Variants in CCDC12 observed in about 807,000 individuals in gnomAD.
The protein encoded by CCDC12 is coiled-coil domain containing 12, also known as coiled-coil domain-containing protein 12.
In CCDC12, 28 loss-of-function variants were observed where a neutral mutation model predicts 25.7. The observed-to-expected ratio is 1.09, with a 90% CI of 0.81 to 1.50. CCDC12 has a LOEUF of 1.50. CCDC12 is among the 40% of genes most tolerant of loss of function. The probability of loss-of-function intolerance (pLI) is 0.00; values close to 1 mark genes in which losing one functional copy is unlikely to be tolerated. For synonymous variants in CCDC12, 75 were observed against 87.7 expected (o/e 0.86, Z 0.81); for missense variants, 198 against 210.0 (o/e 0.94, Z 0.35).
At chr3:46,940,323 T>G (rs746384936) in intron 2 of CCDC12, among the ~76,000 whole-genome samples, 4 of 152,096 alleles carry the variant, frequency 2.6e-5, no homozygotes, top group Admixed American at 2.0e-4. Context: ...ACGAGGGAAG[T>G]GTACCCAAGA....
intron 1 of CCDC12, among the ~76,000 whole-genome samples, chr3:46,958,646 A>G (rs2034372552): frequency 6.6e-6 from 1 of 152,124 alleles, no homozygotes; most frequent in African/African-American, 2.4e-5. Flanking sequence ...TGTTCATCCA[A>G]TCCCCAACGA....
At chr3:46,925,149 T>A (rs1360548122) in intron 3 of CCDC12, 2 of 533,536 alleles carry the variant, frequency 3.7e-6, no homozygotes, top group Non-Finnish European at 7.2e-6. Flanking sequence ...CACATCCACT[T>A]CTCAGCCAGG....
chr3:46,971,329 C>CT (rs1188000887), intron 1 of CCDC12, among the ~76,000 whole-genome samples: 8 of 152,218 alleles, frequency 5.3e-5, no homozygotes, highest in Non-Finnish European at 4.4e-5. Context: ...TCAGGCAGTG[C>CT]TGTGTCCTCT....
chr3:46,951,811 ATATATATATATACT>A (rs1392095354), intron 1 of CCDC12, among the ~76,000 whole-genome samples: 1 of 75,606 alleles, frequency 1.3e-5, no homozygotes, highest in Non-Finnish European at 2.6e-5. Context: ...ATATATATAT[ATATATATATATACT>A]TAATGAGGAT....
chr3:46,927,846 G>A (rs901758088), intron 2 of CCDC12, among the ~76,000 whole-genome samples: 2 of 152,150 alleles, frequency 1.3e-5, no homozygotes, highest in Non-Finnish European at 2.9e-5. Context: ...TCCCCTTAGC[G>A]TGGAGAGCTA....
At chr3:46,951,798 A>AAAAAAAAATATATATATATAT in intron 1 of CCDC12, among the ~76,000 whole-genome samples, 2 of 8,466 alleles carry the variant, frequency 2.4e-4, no homozygotes, top group Non-Finnish European at 5.6e-4. Context: ...AAAAAAAAAA[A>AAAAAAAAATATATATATATAT]ATATATATAT....
intron 1 of CCDC12, among the ~76,000 whole-genome samples, chr3:46,961,519 G>A (rs2034465127): frequency 6.6e-6 from 1 of 152,312 alleles, no homozygotes; most frequent in South Asian, 2.1e-4. Flanking sequence ...GCAGGTCCTT[G>A]TCTTCCCTGG....
chr3:46,942,078 G>C (rs529666310), intron 1 of CCDC12, among the ~76,000 whole-genome samples: 1 of 152,226 alleles, frequency 6.6e-6, no homozygotes. Context: ...TGTTATGCTT[G>C]TTCTCAGGTG....
chr3:46,925,091 G>A, intron 3 of CCDC12: 1 of 397,554 alleles, frequency 2.5e-6, no homozygotes, highest in South Asian at 2.0e-5. Context: ...ACCCACCCAG[G>A]GCCCACAGGA....
In CCDC12 at chr3:46,956,368, G is replaced by A. The variant is rs76134383; in HGVS notation, c.97-15303C>T. On this transcript the variant is annotated intron_variant, in intron 1 of 6. Transcript: ENST00000683445. The stretch of plus-strand genomic sequence containing the variant: ...ATCTCTAATACATGGCCCAGTTGAG[G>A]AGCCTCTGAGTGAGACCACATGCTG... 1.0e-3 allele frequency among the ~76,000 whole-genome samples: 159 copies of A among 152,308 alleles called. 3 individuals carry two copies. The East Asian group carries it at 0.03, about 29-fold the overall frequency.
Position 46,922,267 on chromosome 3 carries a change from CT to C in CCDC12, c.386del (p.Lys129SerfsTer10). ...GCTCGGCAATGGCCCTCTGAGTCCGCTTTTTTAGTTTCTCCAGCTTCTTGGC... is the reference window on the plus strand; with the variant it reads ...GCTCGGCAATGGCCCTCTGAGTCCGCTTTTTAGTTTCTCCAGCTTCTTGGC... ...DVAKKLEKLK[K>X]RTQRAIAELI... On this transcript the variant is annotated frameshift_variant, in exon 6 of 7. Coordinates refer to ENST00000683445, the MANE Select transcript of CCDC12 (RefSeq NM_001277074.2). LOFTEE classifies it high-confidence loss of function. 1 of 1,614,276 alleles carries C rather than the reference CT, an allele frequency of 6.2e-7. No homozygotes were observed.
At chr3:46,938,943 C>A (rs1349793841) in intron 2 of CCDC12, among the ~76,000 whole-genome samples, 3 of 152,168 alleles carry the variant, frequency 2.0e-5, no homozygotes, top group Non-Finnish European at 4.4e-5. Context: ...AGGCATCACT[C>A]CTCATGTATG....
At chr3:46,962,434 C>CAAAAAAA (rs33969115) in intron 1 of CCDC12, among the ~76,000 whole-genome samples, 6 of 63,174 alleles carry the variant, frequency 9.5e-5, no homozygotes, top group Admixed American at 2.2e-4. Context: ...AACTCTATCT[C>CAAAAAAA]AAAAAAAAAA....
chr3:46,968,398 G>GACC (rs1022961720), intron 1 of CCDC12, among the ~76,000 whole-genome samples: 8 of 152,146 alleles, frequency 5.3e-5, no homozygotes, highest in African/African-American at 1.9e-4. Context: ...AAGGCTGCAG[G>GACC]ACCACCTGGA....
At chr3:46,936,290 C>G (rs1215740053) in intron 2 of CCDC12, among the ~76,000 whole-genome samples, 1 of 152,216 alleles carries the variant, frequency 6.6e-6, no homozygotes. Context: ...CTACTCCCAT[C>G]CATTGCCTCA....
Position 46,976,695 on chromosome 3 carries a change from T to C in CCDC12, c.38A>G (p.Glu13Gly). Reference sequence around the variant, plus strand: ...CCGTTCCTTTCGCCGCAACGCCTCTTCCTCTAGCCGGCCCACACCAGCCGT... The same window carrying C: ...CCGTTCCTTTCGCCGCAACGCCTCTCCCTCTAGCCGGCCCACACCAGCCGT... ...ATTAGVGRLE[E>G]EALRRKERLK... Residue 13 changes from glutamate (E) to glycine (G), a missense_variant, in exon 1 of 7, where the codon GAA becomes GGA. Glu to Gly is a moderately conservative substitution (Grantham distance 98). Transcript: ENST00000683445. 6.2e-7 allele frequency: 1 copy of C among 1,605,688 alleles called. No homozygotes were observed. Among genetic ancestry groups the C allele is most frequent in the Non-Finnish European group, 8.5e-7 (1 of 1,176,506 alleles).
chr3:46,952,340 G>C (rs1049418908), intron 1 of CCDC12, among the ~76,000 whole-genome samples: 1 of 152,312 alleles, frequency 6.6e-6, no homozygotes, highest in Admixed American at 6.5e-5. Context: ...ACTGAGGCTG[G>C]ACCAGGTCTG....
intron 2 of CCDC12, among the ~76,000 whole-genome samples, chr3:46,935,913 G>C (rs1026131291): frequency 6.6e-6 from 1 of 152,196 alleles, no homozygotes; most frequent in Admixed American, 6.5e-5. Context: ...ATCCCAGCAA[G>C]CTTTTTCTAA....
At chr3:46,935,931 T>G (rs927688455) in intron 2 of CCDC12, among the ~76,000 whole-genome samples, 4 of 152,216 alleles carry the variant, frequency 2.6e-5, no homozygotes, top group Admixed American at 6.5e-5. Context: ...TAATAGATAT[T>G]AACAAGCTAA....
Sources: gnomAD v4.1 joint callset for allele counts (sites outside exome capture counted in the v4.1 genomes callset) on GRCh38, gnomAD v4.1.1 for gene constraint, MANE v1.5 for transcripts, NCBI Gene and HGNC (gene_info 2026-07-23, HGNC 2026-07-21) for gene names.